ASB5: variants seen among roughly 807,000 people sequenced by gnomAD.
ASB5 encodes the protein ankyrin repeat and SOCS box containing 5.
In ASB5, 45 loss-of-function variants were observed where a neutral mutation model predicts 42.1. That is an observed-to-expected ratio of 1.07 (90% CI 0.84 to 1.37). The LOEUF is 1.37. ASB5 is among the 40% of genes most tolerant of loss of function. The pLI, the probability that ASB5 is intolerant of heterozygous loss-of-function variation, is 0.00. For synonymous variants in ASB5, 147 were observed against 150.6 expected, an observed-to-expected ratio of 0.98 and a Z score of 0.18; for missense variants, 402 against 399.8, an observed-to-expected ratio of 1.01 and a Z score of -0.05.
At chr4:176,233,211 G>A (rs1427238153) in intron 1 of ASB5, among the ~76,000 whole-genome samples, 1 of 152,114 alleles carries the variant, frequency 6.6e-6, no homozygotes, top group African/African-American at 2.4e-5. Flanking sequence ...CTAAACAGAA[G>A]GAAGGATAAC....
chr4:176,262,376 G>A (rs749951326), intron 1 of ASB5, among the ~76,000 whole-genome samples: 3 of 152,180 alleles, frequency 2.0e-5, no homozygotes, highest in Non-Finnish European at 2.9e-5. Context: ...AGAGATATAT[G>A]AGTCAGAAAT....
chr4:176,222,056 T>C lies in ASB5; in HGVS notation c.384+257A>G, dbSNP rs191630622. ...TTATAGACCTAAAGATGTTCATCGA[T>C]TGCTATTTACAGTCATGAAAGCAGG... On this transcript the variant is annotated intron_variant, in intron 3 of 6. Coordinates refer to ENST00000296525, the MANE Select transcript of ASB5 (RefSeq NM_080874.4). Among the ~76,000 whole-genome samples the C allele has an allele frequency of 5.3e-5, 8 of 152,324 alleles. No individual in the cohort carries two copies. The East Asian group carries it at 1.5e-3, about 29-fold the overall frequency.
At chr4:176,221,364 G>A in intron 4 of ASB5, 75 bp from the exon 5 acceptor site, 1 of 1,597,574 alleles carries the variant, frequency 6.3e-7, no homozygotes, top group Non-Finnish European at 8.5e-7. Context: ...TTCCCTTGTG[G>A]TGTCATTCAT....
intron 1 of ASB5, among the ~76,000 whole-genome samples, chr4:176,249,951 G>A (rs901168898): frequency 6.6e-6 from 1 of 151,632 alleles, no homozygotes; most frequent in Non-Finnish European, 1.5e-5. Context: ...TGTAGTCCCA[G>A]CTACTCGGGA....
At chr4:176,220,743 A>T (rs1753180597) in intron 5 of ASB5, among the ~76,000 whole-genome samples, 1 of 152,184 alleles carries the variant, frequency 6.6e-6, no homozygotes, top group South Asian at 2.1e-4. Context: ...TTAGCAGAAG[A>T]CGAGGTTGTC....
At chr4:176,250,078 A>G (rs1195338562) in intron 1 of ASB5, among the ~76,000 whole-genome samples, 1 of 128,494 alleles carries the variant, frequency 7.8e-6, no homozygotes, top group Admixed American at 7.9e-5. Context: ...AAAAAAAAAA[A>G]AAAGAAAAAG....
At chr4:176,237,076 G>T (rs1170016556) in intron 1 of ASB5, among the ~76,000 whole-genome samples, 1 of 152,178 alleles carries the variant, frequency 6.6e-6, no homozygotes, top group Non-Finnish European at 1.5e-5. Context: ...CTAAGAGTTT[G>T]CAGTCATGTT....
chr4:176,244,492 G>T (rs756136432), intron 1 of ASB5, among the ~76,000 whole-genome samples: 1 of 152,098 alleles, frequency 6.6e-6, no homozygotes, highest in Non-Finnish European at 1.5e-5. Flanking sequence ...TTAAAAACAC[G>T]ATCTCACATC....
At chr4:176,245,237 G>A (rs922353112) in intron 1 of ASB5, among the ~76,000 whole-genome samples, 1 of 152,128 alleles carries the variant, frequency 6.6e-6, no homozygotes, top group African/African-American at 2.4e-5. Flanking sequence ...GTGGGGAGAG[G>A]ATATGAACAG....
intron 5 of ASB5, among the ~76,000 whole-genome samples, 191 bp from the exon 6 acceptor site, chr4:176,217,200 T>C (rs1752997559): frequency 6.6e-6 from 1 of 152,178 alleles, no homozygotes; most frequent in Non-Finnish European, 1.5e-5. Context: ...TATGTACATA[T>C]ACATATATAT....
At chr4:176,269,833 G>A (rs542011406), upstream of ASB5, among the ~76,000 whole-genome samples, 5 of 152,224 alleles carry the variant, frequency 3.3e-5, no homozygotes, top group African/African-American at 1.2e-4. Flanking sequence ...GGAGGAAATG[G>A]AAAAGAAATC....
intron 1 of ASB5, among the ~76,000 whole-genome samples, chr4:176,265,736 A>G (rs1024638787): frequency 3.3e-5 from 5 of 152,144 alleles, no homozygotes; most frequent in Admixed American, 1.3e-4. Flanking sequence ...CTCTCTGTAT[A>G]CTGTGTAATA....
intron 1 of ASB5, among the ~76,000 whole-genome samples, chr4:176,266,733 T>A (rs926185868): frequency 6.6e-6 from 1 of 152,100 alleles, no homozygotes; most frequent in African/African-American, 2.4e-5. Flanking sequence ...GTTAAATACA[T>A]CTAACATTAA....
chr4:176,243,221 T>A (rs1362137154), intron 1 of ASB5, among the ~76,000 whole-genome samples: 1 of 152,186 alleles, frequency 6.6e-6, no homozygotes, highest in African/African-American at 2.4e-5. Flanking sequence ...CTCTTATAAA[T>A]GTTCAAAGTG....
intron 6 of ASB5, 144 bp from the exon 7 acceptor site, chr4:176,215,871 T>C: frequency 1.7e-6 from 1 of 597,472 alleles, no homozygotes; most frequent in Admixed American, 3.8e-5. Flanking sequence ...GAAATTTATG[T>C]AAGCAGTTAT....
rs1338755870 is a variant in ASB5 at position 176,245,200 on chromosome 4, G to GA, written c.197-19860dup. Among the ~76,000 whole-genome samples, 7 of 152,226 alleles carry GA rather than the reference G, an allele frequency of 4.6e-5. No homozygotes were observed. The South Asian group carries it at 8.3e-4, about 18-fold the overall frequency. Reference sequence around the variant, plus strand: ...ACAAAGAACTTAAATAAATTTATGAGAAAAAATCAAACAACCCCATCAAAA... The same window carrying GA: ...ACAAAGAACTTAAATAAATTTATGAGAAAAAAATCAAACAACCCCATCAAAA... On this transcript the variant is annotated intron_variant, in intron 1 of 6. Coordinates refer to ENST00000296525, the MANE Select transcript of ASB5 (RefSeq NM_080874.4).
At chr4:176,247,217 A>G (rs1245216622) in intron 1 of ASB5, among the ~76,000 whole-genome samples, 1 of 152,204 alleles carries the variant, frequency 6.6e-6, no homozygotes, top group Admixed American at 6.5e-5. Context: ...GAGAAACTAT[A>G]TTACATTTAT....
chr4:176,237,540 G>T (rs1313482297), intron 1 of ASB5: 2 of 985,636 alleles, frequency 2.0e-6, no homozygotes, highest in Non-Finnish European at 2.4e-6. Context: ...TTTCACAAAG[G>T]TTCCTGTGTG....
At chr4:176,271,809 T>C (rs1754472868), upstream of ASB5, among the ~76,000 whole-genome samples, 1 of 152,086 alleles carries the variant, frequency 6.6e-6, no homozygotes, top group South Asian at 2.1e-4. Flanking sequence ...AAAAGTTAAT[T>C]ATAAAGAACA....
Sources: gnomAD v4.1 joint callset for allele counts (sites outside exome capture counted in the v4.1 genomes callset) on GRCh38, gnomAD v4.1.1 for gene constraint, MANE v1.5 for transcripts, NCBI Gene and HGNC (gene_info 2026-07-23, HGNC 2026-07-21) for gene names.